Variants in PCNX2 observed in about 807,000 individuals in gnomAD.
PCNX2 encodes the protein pecanex-like protein 2.
In PCNX2, 168 loss-of-function variants were observed where a neutral mutation model predicts 223.8. That is an observed-to-expected ratio of 0.75 (90% confidence interval 0.66 to 0.85). PCNX2 has a LOEUF of 0.85. Ranked by LOEUF, PCNX2 falls within the 40% of genes least tolerant of loss-of-function variation. The pLI, the probability that PCNX2 is intolerant of heterozygous loss-of-function variation, is 0.00. For missense variants in PCNX2, 2,507 were observed against 2,675.5 expected (o/e 0.94, Z 1.39); for synonymous variants, 1,006 against 1,052.6 (o/e 0.96, Z 0.86).
At chr1:232,987,276 G>A (rs1669529718) in intron 32 of PCNX2, among the ~76,000 whole-genome samples, 2 of 152,340 alleles carry the variant, frequency 1.3e-5, no homozygotes. Context: ...CCAAAGATGT[G>A]GTTGTGTCCA....
Position 233,049,862 on chromosome 1 carries a change from G to GACAC in PCNX2, c.4351+4402_4351+4405dup, listed in dbSNP as rs59343612. 2.3e-3 allele frequency among the ~76,000 whole-genome samples: 349 copies of GACAC among 149,304 alleles called. 1 individual carries two copies. Among genetic ancestry groups the GACAC allele is most frequent in the African/African-American group, 7.2e-3 (296 of 40,980 alleles). On this transcript the variant is annotated intron_variant, in intron 25 of 33. Coordinates refer to ENST00000258229, the MANE Select transcript of PCNX2 (RefSeq NM_014801.4). ...AAAAAACACAATCTCATTTACAATA[G>GACAC]ACACACACACACACACACACACACA... is the stretch of plus-strand genomic sequence containing the variant.
Position 233,075,696 on chromosome 1 carries a change from AACACACACACACACAC to A in PCNX2, c.4076+14349_4076+14364del, listed in dbSNP as rs369431993. On this transcript the variant is annotated intron_variant, in intron 23 of 33. Transcript: ENST00000258229. ...GCATTTGAATCTGCAGTTAGCTTAAAACACACACACACACACACACACACACACACACACACACACA... is the reference window on the plus strand; with the variant it reads ...GCATTTGAATCTGCAGTTAGCTTAAAACACACACACACACACACACACACA... Among the ~76,000 whole-genome samples the A allele has an allele frequency of 1.6e-3, 224 of 137,348 alleles. 1 individual carries two copies. The highest frequency in any genetic ancestry group is 2.1e-3 in the Non-Finnish European group (134 of 63,846). 90.1% of individuals were successfully genotyped at this position (137,348 alleles called of 152,430 possible). A position where few individuals can be genotyped will look rare whatever the true frequency, so the allele number is the denominator to read the frequency against.
the PCNX2 span, among the ~76,000 whole-genome samples, chr1:233,302,459 TTTTA>T: frequency 6.6e-6 from 1 of 152,064 alleles, no homozygotes; most frequent in African/African-American, 2.4e-5. Context: ...GAATTTCTCA[TTTTA>T]TTTAGTCTTC....
At chr1:233,121,620 A>C (rs1043497763) in intron 21 of PCNX2, among the ~76,000 whole-genome samples, 2 of 152,130 alleles carry the variant, frequency 1.3e-5, no homozygotes, top group African/African-American at 4.8e-5. Flanking sequence ...CACAGATACT[A>C]ACGGGTGACT....
At chr1:233,106,222 C>T (rs182887869) in intron 21 of PCNX2, among the ~76,000 whole-genome samples, 1 of 152,236 alleles carries the variant, frequency 6.6e-6, no homozygotes, top group African/African-American at 2.4e-5. Flanking sequence ...CCATGTTAGC[C>T]TTCCTCTAAC....
Position 233,295,388 on chromosome 1 carries a change from TG to T in PCNX2, c.90del (p.Phe30LeufsTer38), listed in dbSNP as rs754631038. ...CACAGGTAGAGGTGGCAGCTGTTGG[TG>T]AACTTGCTCTGCTCCGGGTCGTGGT... Reference protein sequence around the residue: ...GWYHDPEQSKFTNSCHLYLWL... With the variant: ...GWYHDPEQSKXTNSCHLYLWL... On this transcript the variant is annotated frameshift_variant, in exon 1 of 34. Coordinates refer to ENST00000258229, the MANE Select transcript of PCNX2 (RefSeq NM_014801.4). LOFTEE classifies it high-confidence loss of function. The surrounding 1 kb of genome is among the most constrained non-coding windows in gnomAD (Gnocchi z 4.1). The T allele has an allele frequency of 3.2e-6, 5 of 1,558,114 alleles. No individual in the cohort carries two copies. Among genetic ancestry groups the T allele is most frequent in the Non-Finnish European group, 4.3e-6 (5 of 1,150,710 alleles).
intron 15 of PCNX2, among the ~76,000 whole-genome samples, chr1:233,193,794 G>A (rs1166481560): frequency 1.3e-5 from 2 of 151,958 alleles, no homozygotes; most frequent in African/African-American, 2.4e-5. Flanking sequence ...GTTTATCATC[G>A]GACTAGACAC....
intron 25 of PCNX2, among the ~76,000 whole-genome samples, chr1:233,034,874 C>A (rs189347437): frequency 6.6e-6 from 1 of 152,200 alleles, no homozygotes; most frequent in Admixed American, 6.5e-5. Context: ...AACATTTGAA[C>A]CTAATTCTGT....
At chr1:233,278,034 A>C (rs1023689123) in intron 1 of PCNX2, among the ~76,000 whole-genome samples, 1 of 152,142 alleles carries the variant, frequency 6.6e-6, no homozygotes, top group African/African-American at 2.4e-5. Flanking sequence ...TGTGTTAAGC[A>C]CTCTGATGTC....
At chr1:233,091,396 T>C (rs934238859) in intron 22 of PCNX2, among the ~76,000 whole-genome samples, 10 of 151,124 alleles carry the variant, frequency 6.6e-5, no homozygotes, top group African/African-American at 2.4e-4. Flanking sequence ...ATCAAGAATA[T>C]AGAAGTAACT....
At chr1:233,252,261 A>G (rs755243149) in intron 7 of PCNX2, 93 bp downstream of exon 7, 2 of 1,374,400 alleles carry the variant, frequency 1.5e-6, no homozygotes, top group Non-Finnish European at 2.0e-6. Flanking sequence ...CCAGTTCTCA[A>G]GTCTAGTACT....
At chr1:233,130,131 G>A (rs1020163192) in intron 21 of PCNX2, among the ~76,000 whole-genome samples, 2 of 151,940 alleles carry the variant, frequency 1.3e-5, no homozygotes, top group Non-Finnish European at 2.9e-5. Flanking sequence ...TGAAGCCAGC[G>A]AGACCACGAA....
At chr1:232,998,572 T>G in intron 31 of PCNX2, 134 bp from the exon 32 acceptor site, 1 of 849,744 alleles carries the variant, frequency 1.2e-6, no homozygotes, top group South Asian at 1.8e-5. Context: ...GGCATGCTGG[T>G]GGGAAGAGGG....
intron 1 of PCNX2, among the ~76,000 whole-genome samples, chr1:233,267,890 A>G (rs1660426802): frequency 6.6e-6 from 1 of 152,090 alleles, no homozygotes; most frequent in African/African-American, 2.4e-5. Flanking sequence ...CAAAAGAGGA[A>G]TATCTGGATC....
At chr1:233,093,910 A>G (rs1431619373) in intron 22 of PCNX2, among the ~76,000 whole-genome samples, 1 of 152,212 alleles carries the variant, frequency 6.6e-6, no homozygotes, top group East Asian at 1.9e-4. Flanking sequence ...ATGTAAATTT[A>G]ATGCTCACTG....
rs1401077243 is a variant in PCNX2, at chr1:233,232,806, A to T, written c.2358+4039T>A. 3.0e-6 allele frequency: 3 copies of T among 985,216 alleles called. No homozygotes were observed. In the East Asian group the frequency reaches 3.4e-4, roughly 112 times the overall value. 61.0% of individuals were successfully genotyped at this position (985,216 alleles called of 1,614,324 possible). A position where few individuals can be genotyped will look rare whatever the true frequency, so the allele number is the denominator to read the frequency against. ...GCCTAGCACTGTGCTTATCTTTGCA[A>T]TTCTCACCAATTCTCATCAGTTTAG... On this transcript the variant is annotated intron_variant, in intron 9 of 33. Coordinates refer to ENST00000258229, the MANE Select transcript of PCNX2 (RefSeq NM_014801.4).
At chr1:233,049,849 C>G (rs1361900479) in intron 25 of PCNX2, among the ~76,000 whole-genome samples, 2 of 143,806 alleles carry the variant, frequency 1.4e-5, no homozygotes, top group African/African-American at 5.8e-5. Flanking sequence ...AAAACACAAT[C>G]TCATTTACAA....
At chr1:233,303,290 G>T in the PCNX2 span, among the ~76,000 whole-genome samples, 14 of 152,190 alleles carry the variant, frequency 9.2e-5, no homozygotes, top group African/African-American at 2.4e-4. Flanking sequence ...GAGGCAGGCA[G>T]ATTGTTTGAG....
chr1:233,293,123 T>C (rs1181176823), intron 1 of PCNX2, among the ~76,000 whole-genome samples: 1 of 152,124 alleles, frequency 6.6e-6, no homozygotes, highest in Non-Finnish European at 1.5e-5. Flanking sequence ...AAATTAAGGG[T>C]TCTGACCATA....
Sources: allele counts gnomAD v4.1 joint callset (sites outside exome capture counted in the v4.1 genomes callset), GRCh38; gene constraint gnomAD v4.1.1; non-coding constraint Gnocchi (gnomAD v3.1); transcripts MANE v1.5; gene names NCBI Gene and HGNC (gene_info 2026-07-23, HGNC 2026-07-21).